Variants in TBC1D14 observed in about 807,000 individuals in gnomAD.
The protein encoded by TBC1D14 is TBC1 domain family member 14.
TBC1D14 carries 26 observed loss-of-function variants against 79.0 expected under a neutral mutation model. That is an observed-to-expected ratio of 0.33 (90% confidence interval 0.24 to 0.46). TBC1D14 has a LOEUF of 0.46. TBC1D14 is among the 20% of genes least tolerant of loss of function. The probability of loss-of-function intolerance (pLI) is 1.00; values close to 1 mark genes in which losing one functional copy is unlikely to be tolerated. For synonymous variants in TBC1D14, 394 were observed against 349.9 expected (o/e 1.13, Z -1.40); for missense variants, 769 against 887.6 (o/e 0.87, Z 1.70).
chr4:6,973,955 C>T (rs1007765943), intron 3 of TBC1D14, among the ~76,000 whole-genome samples: 2 of 152,094 alleles, frequency 1.3e-5, no homozygotes, highest in Non-Finnish European at 2.9e-5. Flanking sequence ...TCCTGAGTAG[C>T]TGGGACTACA....
intron 9 of TBC1D14, among the ~76,000 whole-genome samples, chr4:7,008,711 G>A (rs1473830971): frequency 2.6e-5 from 4 of 152,162 alleles, no homozygotes; most frequent in African/African-American, 4.8e-5. Flanking sequence ...GCGCCCAGCC[G>A]CATCATTGTT....
At chr4:6,951,160 C>T (rs1272479261) in intron 2 of TBC1D14, among the ~76,000 whole-genome samples, 2 of 152,116 alleles carry the variant, frequency 1.3e-5, no homozygotes, top group East Asian at 1.9e-4. Flanking sequence ...CGTGTAGTGG[C>T]AGGCACCTAT....
At chr4:7,010,179 A>G (rs1720609911) in intron 10 of TBC1D14, among the ~76,000 whole-genome samples, 1 of 152,178 alleles carries the variant, frequency 6.6e-6, no homozygotes, top group South Asian at 2.1e-4. Flanking sequence ...TGCAATTTTC[A>G]TTTTTGGCAT....
In TBC1D14 at chr4:7,004,694, T is replaced by A. The variant is rs531342623; in HGVS notation, c.1271-150T>A. 4.3e-5 allele frequency: 27 copies of A among 634,234 alleles called. No individual in the cohort carries two copies. In the East Asian group the frequency reaches 5.3e-4, roughly 12 times the overall value. 39.3% of individuals were successfully genotyped at this position (634,234 alleles called of 1,614,324 possible). ...CAATAAAATTACTTTCAGGCCAAGTTGGGGGGAATTGTTTAAGTAGCCTGT... is the reference window on the plus strand; with the variant it reads ...CAATAAAATTACTTTCAGGCCAAGTAGGGGGGAATTGTTTAAGTAGCCTGT... On this transcript the variant is annotated intron_variant, in intron 7 of 13. Coordinates refer to ENST00000409757, the MANE Select transcript of TBC1D14 (RefSeq NM_020773.3).
chr4:7,015,219 C>A (rs1265045148), intron 12 of TBC1D14, among the ~76,000 whole-genome samples: 2 of 151,600 alleles, frequency 1.3e-5, no homozygotes, highest in African/African-American at 4.9e-5. Context: ...TGGGGCAGAT[C>A]CAGCGGCGAG....
At chr4:6,964,402 G>T (rs1192700006) in intron 2 of TBC1D14, among the ~76,000 whole-genome samples, 1 of 152,100 alleles carries the variant, frequency 6.6e-6, no homozygotes, top group Non-Finnish European at 1.5e-5. Context: ...CCCGGATCCT[G>T]GTGCCTTCCC....
At chr4:6,943,788 C>G (rs980148484) in intron 2 of TBC1D14, among the ~76,000 whole-genome samples, 1 of 152,162 alleles carries the variant, frequency 6.6e-6, no homozygotes. Flanking sequence ...GTTTTCCGAG[C>G]CGGTGCAGGT....
intron 2 of TBC1D14, among the ~76,000 whole-genome samples, chr4:6,964,204 C>G (rs1027360920): frequency 6.6e-6 from 1 of 152,170 alleles, no homozygotes; most frequent in African/African-American, 2.4e-5. Context: ...CTTAGTCGTC[C>G]TCCTGCCAGC....
intron 2 of TBC1D14, among the ~76,000 whole-genome samples, chr4:6,945,749 CAAAAAAAAAAAAAAAAAAA>C (rs71173472): frequency 2.8e-4 from 18 of 64,134 alleles, no homozygotes; most frequent in East Asian, 2.6e-3. Flanking sequence ...AACTGCGTCT[CAAAAAAAAAAAAAAAAAAA>C]AAAAAAAAAA....
At chr4:6,943,752 A>G (rs1713145148) in intron 2 of TBC1D14, among the ~76,000 whole-genome samples, 1 of 152,152 alleles carries the variant, frequency 6.6e-6, no homozygotes, top group Non-Finnish European at 1.5e-5. Flanking sequence ...GCTTCTGGAG[A>G]GCTGGGGCCA....
intron 2 of TBC1D14, among the ~76,000 whole-genome samples, chr4:6,945,377 G>A (rs1380809521): frequency 2.0e-5 from 3 of 151,806 alleles, no homozygotes; most frequent in Non-Finnish European, 4.4e-5. Context: ...AAATGTTGGC[G>A]TAGCTTGAAA....
chr4:6,918,220 G>A (rs1272807501), intron 1 of TBC1D14, among the ~76,000 whole-genome samples: 6 of 152,230 alleles, frequency 3.9e-5, no homozygotes, highest in African/African-American at 1.4e-4. Flanking sequence ...GCAATTCAGG[G>A]AAGGGTCCTT....
At chr4:6,948,230 C>T (rs1450887188) in intron 2 of TBC1D14, among the ~76,000 whole-genome samples, 1 of 152,206 alleles carries the variant, frequency 6.6e-6, no homozygotes, top group African/African-American at 2.4e-5. Flanking sequence ...CTAGAACCCC[C>T]AGAAGTCTCC....
At chr4:7,010,372 G>A (rs746995988) in intron 10 of TBC1D14, among the ~76,000 whole-genome samples, 1 of 152,118 alleles carries the variant, frequency 6.6e-6, no homozygotes, top group Non-Finnish European at 1.5e-5. Flanking sequence ...ATAGGAAAGA[G>A]CAGTATTTCA....
At chr4:7,002,072 A>G (rs1435188570) in intron 7 of TBC1D14, among the ~76,000 whole-genome samples, 1 of 152,008 alleles carries the variant, frequency 6.6e-6, no homozygotes, top group East Asian at 1.9e-4. Context: ...TGGGGTTTTG[A>G]TTGTTGTTCT....
intron 2 of TBC1D14, among the ~76,000 whole-genome samples, chr4:6,938,294 G>A (rs1712543733): frequency 1.3e-5 from 2 of 152,180 alleles, no homozygotes; most frequent in Non-Finnish European, 2.9e-5. Context: ...GCATGAGACA[G>A]TGGTGCCATG....
At chr4:6,924,721 G>T (rs547680978) in intron 2 of TBC1D14, among the ~76,000 whole-genome samples, 3 of 152,194 alleles carry the variant, frequency 2.0e-5, no homozygotes, top group Non-Finnish European at 4.4e-5. Flanking sequence ...TGGAGTTCCT[G>T]TGTCTCCCTG....
intron 6 of TBC1D14, 84 bp from the exon 7 acceptor site, chr4:7,001,061 C>T (rs1394721460): frequency 1.7e-6 from 2 of 1,143,344 alleles, no homozygotes; most frequent in East Asian, 2.4e-5. Flanking sequence ...CATCCCAGCT[C>T]TTGGTGGTTC....
At chr4:7,010,515 T>C (rs552222731) in intron 10 of TBC1D14, 138 bp from the exon 11 acceptor site, 17 of 1,036,806 alleles carry the variant, frequency 1.6e-5, no homozygotes, top group Non-Finnish European at 2.3e-5. Flanking sequence ...CAGTTCAGCG[T>C]TGGGTGGCCG....
Sources: allele counts gnomAD v4.1 joint callset (sites outside exome capture counted in the v4.1 genomes callset), GRCh38; gene constraint gnomAD v4.1.1; transcripts MANE v1.5; gene names NCBI Gene and HGNC (gene_info 2026-07-23, HGNC 2026-07-21).